FHOD3: variants seen among roughly 807,000 people sequenced by gnomAD.
FHOD3 encodes formin homology 2 domain containing 3, also known as FH1/FH2 domain-containing protein 3.
Under a neutral mutation model 173.0 loss-of-function variants are expected in FHOD3, and 90 were observed. The ratio of observed to expected loss-of-function variants is 0.52; its 90% CI spans 0.44 to 0.62. The LOEUF (loss-of-function observed/expected upper bound fraction) is 0.62. Ranked by LOEUF, FHOD3 falls within the 20% of genes least tolerant of loss-of-function variation. FHOD3 has a pLI of 0.00. For synonymous variants in FHOD3, 828 were observed against 823.0 expected (o/e 1.01, Z -0.10); for missense variants, 1,945 against 2,034.7 (o/e 0.96, Z 0.85).
chr18:36,702,480 G>A (rs189188445), intron 17 of FHOD3, among the ~76,000 whole-genome samples: 40 of 152,314 alleles, frequency 2.6e-4, no homozygotes, highest in African/African-American at 8.4e-4. Context: ...TAAAACACAC[G>A]TCTGTAGTCA....
chr18:36,743,047 A>C (rs935531815), intron 22 of FHOD3, among the ~76,000 whole-genome samples, 191 bp downstream of exon 22: 1 of 152,232 alleles, frequency 6.6e-6, no homozygotes, highest in African/African-American at 2.4e-5. Flanking sequence ...GCGGTGGCTC[A>C]CACCTGTAAT....
intron 3 of FHOD3, among the ~76,000 whole-genome samples, chr18:36,383,539 A>G (rs2047892341): frequency 6.6e-6 from 1 of 152,202 alleles, no homozygotes; most frequent in South Asian, 2.1e-4. Context: ...GCTCAGATTA[A>G]CGTCCCCATC....
At position 36,310,135 on chromosome 18, in the gene FHOD3, A is replaced by C. The variant is rs1047427629; in HGVS notation, c.165+12135A>C. Among the ~76,000 whole-genome samples the C allele has an allele frequency of 3.3e-5, 5 of 152,326 alleles. No homozygotes were observed. The East Asian group carries it at 7.7e-4, about 24-fold the overall frequency. ...GTGCAGAGTGAACACAGTCAGAGAA[A>C]AATGTAAGCTGAGTTGACATGACAT... On this transcript the variant is annotated intron_variant, in intron 1 of 28. Coordinates refer to ENST00000590592, the MANE Select transcript of FHOD3 (RefSeq NM_001281740.3).
At chr18:36,370,375 TAACA>T (rs1441015523) in intron 2 of FHOD3, among the ~76,000 whole-genome samples, 3 of 152,256 alleles carry the variant, frequency 2.0e-5, no homozygotes, top group Middle Eastern at 6.8e-3. Context: ...GGGTTTAGCT[TAACA>T]AACCAATTGC....
intron 5 of FHOD3, among the ~76,000 whole-genome samples, chr18:36,515,661 C>T (rs1176190371): frequency 1.3e-5 from 2 of 152,226 alleles, no homozygotes; most frequent in African/African-American, 2.4e-5. Context: ...TCTGCCTGCC[C>T]TTCTATGACA....
chr18:36,759,992 C>T (rs768879039), intron 26 of FHOD3, among the ~76,000 whole-genome samples: 2 of 152,050 alleles, frequency 1.3e-5, no homozygotes, highest in Non-Finnish European at 2.9e-5. Flanking sequence ...TGTTTTGGGC[C>T]CTGATACCAA....
intron 14 of FHOD3, among the ~76,000 whole-genome samples, chr18:36,658,662 GGCAAGA>G (rs2036581511): frequency 6.6e-6 from 1 of 152,118 alleles, no homozygotes; most frequent in African/African-American, 2.4e-5. Flanking sequence ...AATTTAACTT[GGCAAGA>G]GTATTAGACC....
In FHOD3 at chr18:36,580,622, G is replaced by A. The variant is rs2058815639; in HGVS notation, c.606+4077G>A. On this transcript the variant is annotated intron_variant, in intron 6 of 28. Coordinates refer to ENST00000590592, the MANE Select transcript of FHOD3 (RefSeq NM_001281740.3). ...TTTCCAGTCTACATAGTTCTAATGA[G>A]ATCACCTCTTATTTACAAAACCAAT... Among the ~76,000 whole-genome samples the A allele has an allele frequency of 2.0e-5, 3 of 152,318 alleles. No individual in the cohort carries two copies. The South Asian group carries it at 6.2e-4, about 32-fold the overall frequency.
chr18:36,478,046 A>G (rs1027386812), intron 3 of FHOD3, among the ~76,000 whole-genome samples: 6 of 152,210 alleles, frequency 3.9e-5, no homozygotes, highest in East Asian at 3.9e-4. Flanking sequence ...GAGACAAAAC[A>G]TGACAACTTA....
intron 5 of FHOD3, among the ~76,000 whole-genome samples, chr18:36,545,766 A>C (rs967740842): frequency 1.3e-5 from 2 of 152,258 alleles, no homozygotes; most frequent in African/African-American, 4.8e-5. Context: ...ATTTCCATTA[A>C]GTAGGAATTG....
At position 36,297,835 on chromosome 18, in the gene FHOD3, C is replaced by T. The variant is rs1323981944; in HGVS notation, c.-1C>T. ...CCGCGCCCCCGCGGCAGGGATGCAT[C>T]ATGGCCACGCTGGCTTGCCGGGTGC... On this transcript the variant is annotated 5_prime_UTR_variant, in exon 1 of 29. Coordinates refer to ENST00000590592, the MANE Select transcript of FHOD3 (RefSeq NM_001281740.3). 16 of 1,522,458 alleles carry T rather than the reference C, an allele frequency of 1.1e-5. No individual in the cohort carries two copies. The highest frequency in any genetic ancestry group is 1.4e-5 in the Non-Finnish European group (16 of 1,134,296). The allele number at this position is 1,522,458 out of a possible 1,614,324, so 94.3% of individuals were successfully genotyped here.
At chr18:36,437,301 G>A (rs2050859212) in intron 3 of FHOD3, among the ~76,000 whole-genome samples, 1 of 152,160 alleles carries the variant, frequency 6.6e-6, no homozygotes, top group South Asian at 2.1e-4. Context: ...TATTTTTGTA[G>A]AGATGGGGTT....
intron 5 of FHOD3, among the ~76,000 whole-genome samples, chr18:36,565,420 T>A (rs1043905029): frequency 1.4e-4 from 22 of 152,232 alleles, no homozygotes; most frequent in African/African-American, 4.8e-4. Flanking sequence ...AGCTCCTGTG[T>A]TCTAATTGAA....
intron 5 of FHOD3, among the ~76,000 whole-genome samples, chr18:36,561,835 T>C (rs1046907061): frequency 1.3e-5 from 2 of 152,174 alleles, no homozygotes; most frequent in Non-Finnish European, 2.9e-5. Flanking sequence ...ATGCTTGTGT[T>C]GGTATTGTTG....
intron 3 of FHOD3, among the ~76,000 whole-genome samples, chr18:36,486,706 A>G (rs757625161): frequency 2.0e-5 from 3 of 152,248 alleles, no homozygotes; most frequent in East Asian, 1.9e-4. Flanking sequence ...TTCACATGCA[A>G]TAAAATGCAC....
In FHOD3 at chr18:36,759,138, TGA is replaced by T; in HGVS notation, c.4448_4449del (p.Glu1483ValfsTer26). On this transcript the variant is annotated frameshift_variant and splice_region_variant, in exon 26 of 29. Transcript: ENST00000590592. LOFTEE classifies it high-confidence loss of function. Reference sequence around the variant, plus strand: ...GGTAGACTGATGAGGAGGAGGAAGTTGAGGTATGACCATTTATGAACATGAAG... The same window carrying T: ...GGTAGACTGATGAGGAGGAGGAAGTTGGTATGACCATTTATGAACATGAAG... ...ITDTDEEEEVESGKFSGSSPA... is the reference protein window; with the variant it reads ...ITDTDEEEEVXSGKFSGSSPA... The T allele has an allele frequency of 1.3e-6, 2 of 1,535,954 alleles. No individual in the cohort carries two copies. The highest frequency in any genetic ancestry group is 1.4e-5 in the African/African-American group (1 of 73,168).
intron 3 of FHOD3, among the ~76,000 whole-genome samples, chr18:36,421,529 A>G (rs2049984705): frequency 1.3e-5 from 2 of 152,252 alleles, no homozygotes; most frequent in African/African-American, 4.8e-5. Flanking sequence ...TTTTAGAATG[A>G]AAAAGACGAT....
At chr18:36,652,988 GTTAA>G in intron 12 of FHOD3, 59 bp downstream of exon 12, 1 of 1,474,326 alleles carries the variant, frequency 6.8e-7, no homozygotes, top group South Asian at 1.4e-5. Flanking sequence ...AACACAGTGT[GTTAA>G]CTGCACCCCT....
intron 1 of FHOD3, among the ~76,000 whole-genome samples, chr18:36,329,382 G>A (rs1215565727): frequency 6.6e-6 from 1 of 152,132 alleles, no homozygotes; most frequent in Non-Finnish European, 1.5e-5. Context: ...GCCTGTCCTG[G>A]TGTTCATGGC....
Sources: allele counts gnomAD v4.1 joint callset (sites outside exome capture counted in the v4.1 genomes callset), GRCh38; gene constraint gnomAD v4.1.1; transcripts MANE v1.5; gene names NCBI Gene and HGNC (gene_info 2026-07-23, HGNC 2026-07-21).